MFHAS1: variants seen among roughly 807,000 people sequenced by gnomAD.
The protein encoded by MFHAS1 is malignant fibrous histiocytoma-amplified sequence 1.
Under a neutral mutation model 70.4 loss-of-function variants are expected in MFHAS1, and 50 were observed. The ratio of observed to expected loss-of-function variants is 0.71; its 90% CI spans 0.57 to 0.90. The LOEUF is 0.90. Ranked by LOEUF, MFHAS1 falls within the 40% of genes least tolerant of loss-of-function variation. The pLI is 0.00. For synonymous variants in MFHAS1, 952 were observed against 620.0 expected (o/e 1.54, Z -7.96); for missense variants, 1,795 against 1,347.6 (o/e 1.33, Z -5.20).
chr8:8,890,652 T>A lies in MFHAS1; in HGVS notation c.2407A>T (p.Ile803Phe). The change falls in exon 1 of 3, where the codon ATT becomes TTT. Residue 803 changes from isoleucine to phenylalanine, a missense_variant. Coordinates refer to ENST00000276282, the MANE Select transcript of MFHAS1 (RefSeq NM_004225.3). ...ACATGAGGCTTAAGCAGCAACCGAA[T>A]GACATGAGCTGGCAAGAGCCCATGC... is the stretch of plus-strand genomic sequence containing the variant. ...LLHGLLPAHV[I>F]RLLLKPHVQA... 6.2e-7 allele frequency: 1 copy of A among 1,613,520 alleles called. No individual in the cohort carries two copies. Among genetic ancestry groups the A allele is most frequent in the Non-Finnish European group, 8.5e-7 (1 of 1,179,640 alleles).
At chr8:8,792,666 G>A (rs778229674) in intron 2 of MFHAS1, among the ~76,000 whole-genome samples, 1 of 152,138 alleles carries the variant, frequency 6.6e-6, no homozygotes, top group Non-Finnish European at 1.5e-5. Context: ...CTAGGTGTTG[G>A]ATAAGACACA....
rs1805486865 is a variant in MFHAS1, at chr8:8,785,012, G to A, written c.*1010C>T. On this transcript the variant is annotated 3_prime_UTR_variant, in exon 3 of 3. Coordinates refer to ENST00000276282, the MANE Select transcript of MFHAS1 (RefSeq NM_004225.3). ...TCACAACCTTAAGATCTGACAGCCA[G>A]ATGTGGAAGGTCTACAAAGAGCTCT... 6.6e-6 allele frequency: 1 copy of A among 152,182 alleles called. No homozygotes were observed. Among genetic ancestry groups the A allele is most frequent in the African/African-American group, 2.4e-5 (1 of 41,440 alleles). The allele number at this position is 152,182 out of a possible 1,614,324, so 9.4% of individuals were successfully genotyped here.
chr8:8,801,232 A>T (rs1417862250), intron 1 of MFHAS1, among the ~76,000 whole-genome samples: 1 of 152,064 alleles, frequency 6.6e-6, no homozygotes, highest in African/African-American at 2.4e-5. Context: ...AAAAGAAAGA[A>T]AGAAAGAATG....
intron 1 of MFHAS1, among the ~76,000 whole-genome samples, chr8:8,868,100 C>G (rs1251199085): frequency 2.0e-5 from 3 of 151,992 alleles, no homozygotes; most frequent in Non-Finnish European, 4.4e-5. Flanking sequence ...AAACCTGATC[C>G]ATTTTCTAGA....
At chr8:8,867,616 G>T (rs7017599) in intron 1 of MFHAS1, among the ~76,000 whole-genome samples, 65,052 of 150,658 alleles carry the variant, frequency 0.43, 14,767 homozygotes, top group East Asian at 0.85. Context: ...GGAGTGCAGT[G>T]GCGCAATCTC....
chr8:8,829,660 G>A (rs1022994374), intron 1 of MFHAS1, among the ~76,000 whole-genome samples: 10 of 152,192 alleles, frequency 6.6e-5, no homozygotes, highest in Admixed American at 1.3e-4. Flanking sequence ...CAGCCTGGGC[G>A]AAAGAGTGAG....
intron 2 of MFHAS1, among the ~76,000 whole-genome samples, chr8:8,795,436 T>A (rs1243921678): frequency 1.3e-5 from 2 of 152,254 alleles, no homozygotes; most frequent in Non-Finnish European, 2.9e-5. Context: ...AATCCTATTT[T>A]AATATTTAAG....
intron 1 of MFHAS1, among the ~76,000 whole-genome samples, chr8:8,862,385 G>C (rs1808699299): frequency 1.0e-5 from 1 of 95,776 alleles, no homozygotes; most frequent in Non-Finnish European, 2.0e-5. Flanking sequence ...TCAGCTATAA[G>C]AGGTTTTTTT....
At chr8:8,825,163 G>A (rs1807110426) in intron 1 of MFHAS1, among the ~76,000 whole-genome samples, 1 of 152,144 alleles carries the variant, frequency 6.6e-6, no homozygotes. Context: ...AGAACTTAAA[G>A]AAAAGGGTTG....
At chr8:8,884,425 C>T (rs965765862) in intron 1 of MFHAS1, among the ~76,000 whole-genome samples, 23 of 152,160 alleles carry the variant, frequency 1.5e-4, no homozygotes, top group African/African-American at 4.6e-4. Context: ...CTAATTCAAT[C>T]CAAACAACTA....
chr8:8,855,065 C>T (rs1406814610), intron 1 of MFHAS1, among the ~76,000 whole-genome samples: 1 of 152,080 alleles, frequency 6.6e-6, no homozygotes. Context: ...GTGGTCCTCC[C>T]TCAGTATATA....
intron 1 of MFHAS1, among the ~76,000 whole-genome samples, chr8:8,885,454 G>C (rs1809717213): frequency 6.6e-6 from 1 of 152,268 alleles, no homozygotes; most frequent in Non-Finnish European, 1.5e-5. Context: ...CTTGAATCTT[G>C]CTGCAGGCCC....
rs531447430 is a variant in MFHAS1 at position 8,811,884 on chromosome 8, C to T, written c.2999-14393G>A. Among the ~76,000 whole-genome samples the T allele has an allele frequency of 1.5e-4, 23 of 152,320 alleles. No homozygotes were observed. In the South Asian group the frequency reaches 4.6e-3, roughly 30 times the overall value. ...AGGGTTAGGCTGCGGGGGCCAGAGT[C>T]CACACCCTCTTCTTCCACAGGGTAC... On this transcript the variant is annotated intron_variant, in intron 1 of 2. Transcript: ENST00000276282.
chr8:8,788,521 A>T (rs1173698147), intron 2 of MFHAS1, among the ~76,000 whole-genome samples: 20 of 152,156 alleles, frequency 1.3e-4, no homozygotes. Context: ...TCTACTAAAA[A>T]TGCAAAAATT....
chr8:8,814,839 G>A (rs1437363846), intron 1 of MFHAS1, among the ~76,000 whole-genome samples: 2 of 142,866 alleles, frequency 1.4e-5, no homozygotes, highest in Non-Finnish European at 3.0e-5. Flanking sequence ...CTTCATGCCT[G>A]CTAGAATTTC....
chr8:8,797,398 G>A lies in MFHAS1; in HGVS notation c.3092C>T (p.Pro1031Leu). The change falls in exon 2 of 3, where the codon CCA becomes CTA. Residue 1031 changes from proline (P) to leucine (L), a missense_variant. Transcript: ENST00000276282. Reference sequence around the variant, plus strand: ...GGGGCTGATCACAGTCGGCGTGGGTGGGTAAACCAAGGCAACATTTACTCG... The same window carrying A: ...GGGGCTGATCACAGTCGGCGTGGGTAGGTAAACCAAGGCAACATTTACTCG... ...SERVNVALVY[P>L]PTPTVISPCS... 6.2e-7 allele frequency: 1 copy of A among 1,614,102 alleles called. No individual in the cohort carries two copies. Among genetic ancestry groups the A allele is most frequent in the East Asian group, 2.2e-5 (1 of 44,872 alleles).
chr8:8,848,652 T>C (rs366072), intron 1 of MFHAS1, among the ~76,000 whole-genome samples: 16,085 of 152,102 alleles, frequency 0.11, 2,828 homozygotes, highest in African/African-American at 0.36. Flanking sequence ...TCGCAAGAGG[T>C]AGTTATTTTT....
At chr8:8,846,232 G>A (rs936445518) in intron 1 of MFHAS1, among the ~76,000 whole-genome samples, 37 of 129,356 alleles carry the variant, frequency 2.9e-4, no homozygotes, top group Admixed American at 1.6e-3. Flanking sequence ...CAGCCTGAGC[G>A]ACAGAGCGAG....
Position 8,890,703 on chromosome 8 carries a change from G to T in MFHAS1, c.2356C>A (p.His786Asn). The change falls in exon 1 of 3, where the codon CAT (histidine) becomes AAT (asparagine). Residue 786 changes from histidine to asparagine, a missense_variant. Physicochemically the swap from His to Asn is moderately conservative, Grantham distance 68. Transcript: ENST00000276282. Reference sequence around the variant, plus strand: ...AACAGAAAGCCCTCCACATACTGATGGAGCTGGGTGGCCCGGAGCAGTTCC... The same window carrying T: ...AACAGAAAGCCCTCCACATACTGATTGAGCTGGGTGGCCCGGAGCAGTTCC... ...SQELLRATQL[H>N]QYVEGFLLHG... 1 of 1,613,640 alleles carries T rather than the reference G, an allele frequency of 6.2e-7. No individual in the cohort carries two copies.
Sources: allele counts gnomAD v4.1 joint callset (sites outside exome capture counted in the v4.1 genomes callset), GRCh38; gene constraint gnomAD v4.1.1; transcripts MANE v1.5; gene names NCBI Gene and HGNC (gene_info 2026-07-23, HGNC 2026-07-21).